PHC1: variants seen among roughly 807,000 people sequenced by gnomAD.
PHC1 encodes the protein polyhomeotic homolog 1.
A neutral mutation model predicts 104.3 loss-of-function variants in PHC1; 12 were observed. The observed-to-expected ratio is 0.12, with a 90% CI of 0.07 to 0.19. PHC1 has a LOEUF of 0.19. PHC1 is among the 10% of genes least tolerant of loss of function. The pLI is 1.00. For synonymous variants in PHC1, 302 were observed against 455.8 expected (o/e 0.66, Z 4.30); for missense variants, 671 against 1,200.0 (o/e 0.56, Z 6.51).
At chr12:8,931,487 G>C in intron 7 of PHC1, among the ~76,000 whole-genome samples, 1 of 152,178 alleles carries the variant, frequency 6.6e-6, no homozygotes, top group Non-Finnish European at 1.5e-5. Context: ...GATCACTTGA[G>C]GTCAGAGTTT....
intron 6 of PHC1, among the ~76,000 whole-genome samples, chr12:8,924,673 A>G (rs1805739): frequency 0.22 from 33,302 of 152,078 alleles, 3,869 homozygotes; most frequent in Admixed American, 0.29. Flanking sequence ...ATATTTAAAT[A>G]CGAGTATGTG....
intron 2 of PHC1, among the ~76,000 whole-genome samples, chr12:8,918,517 G>T (rs1031938468): frequency 4.6e-5 from 7 of 151,202 alleles, no homozygotes; most frequent in Non-Finnish European, 1.0e-4. Context: ...TAGCTCTGTT[G>T]CCCTGGCTGG....
At chr12:8,914,274 G>C (rs1367709019), upstream of PHC1, among the ~76,000 whole-genome samples, 1 of 152,068 alleles carries the variant, frequency 6.6e-6, no homozygotes, top group Admixed American at 6.5e-5. Flanking sequence ...CAACCGGCGA[G>C]CAGAACTCGG....
intron 6 of PHC1, among the ~76,000 whole-genome samples, chr12:8,927,613 G>A (rs1349029401): frequency 6.6e-6 from 1 of 152,200 alleles, no homozygotes; most frequent in African/African-American, 2.4e-5. Flanking sequence ...CTGAAGAGGT[G>A]AAGAGTAGGA....
chr12:8,919,906 C>T lies in PHC1; in HGVS notation c.225+40C>T, dbSNP rs1232534158. On this transcript the variant is annotated intron_variant, in intron 3 of 14. Transcript: ENST00000544916. The surrounding 1 kb of genome is among the most constrained non-coding windows in gnomAD (Gnocchi z 4.9). ...GCCAGCTGGCCCGAGAGGGAGGGGA[C>T]AGGCACTACAGGTGGGTAGGGGAGA... 1 of 1,580,332 alleles carries T rather than the reference C, an allele frequency of 6.3e-7. No homozygotes were observed. Among genetic ancestry groups the T allele is most frequent in the Admixed American group, 1.8e-5 (1 of 54,542 alleles).
At chr12:8,927,316 A>G (rs1945544233) in intron 6 of PHC1, among the ~76,000 whole-genome samples, 1 of 152,164 alleles carries the variant, frequency 6.6e-6, no homozygotes, top group Non-Finnish European at 1.5e-5. Flanking sequence ...AACAGCTATT[A>G]AGAGTTTAGC....
intron 7 of PHC1, 39 bp from the exon 8 acceptor site, chr12:8,932,524 C>T (rs1565520520): frequency 1.3e-6 from 2 of 1,596,488 alleles, no homozygotes; most frequent in South Asian, 2.2e-5. Flanking sequence ...ATTCTCTGCT[C>T]TTTTTTCTCT....
At chr12:8,918,819 G>C (rs147895904) in intron 2 of PHC1, among the ~76,000 whole-genome samples, 1 of 152,182 alleles carries the variant, frequency 6.6e-6, no homozygotes, top group Admixed American at 6.5e-5. Flanking sequence ...CTTAATGACA[G>C]GAACGCGTTT....
At chr12:8,935,401 A>G (rs1407065073) in intron 11 of PHC1, among the ~76,000 whole-genome samples, 163 bp downstream of exon 11, 3 of 152,158 alleles carry the variant, frequency 2.0e-5, no homozygotes, top group African/African-American at 7.2e-5. Context: ...CAAGGCAGGC[A>G]TATCACCTGA....
chr12:8,935,020 C>T (rs1945793945), intron 10 of PHC1, 104 bp from the exon 11 acceptor site: 3 of 621,586 alleles, frequency 4.8e-6, no homozygotes, highest in African/African-American at 3.7e-5. Flanking sequence ...GTCATTAACT[C>T]AGAGATCCAA....
At chr12:8,925,307 A>G (rs1488338528) in intron 6 of PHC1, among the ~76,000 whole-genome samples, 1 of 152,226 alleles carries the variant, frequency 6.6e-6, no homozygotes, top group South Asian at 2.1e-4. Flanking sequence ...AGGAGAAACT[A>G]CTGCTATTAA....
At chr12:8,932,491 A>AAATCATT in intron 7 of PHC1, 72 bp from the exon 8 acceptor site, 1 of 1,510,734 alleles carries the variant, frequency 6.6e-7, no homozygotes, top group Non-Finnish European at 9.1e-7. Flanking sequence ...AAATGAATTT[A>AAATCATT]CTTTTAATTT....
At chr12:8,914,153 T>C (rs1341694081), upstream of PHC1, among the ~76,000 whole-genome samples, 4 of 151,900 alleles carry the variant, frequency 2.6e-5, no homozygotes, top group South Asian at 2.1e-4. Flanking sequence ...CTCCAGAAAA[T>C]ACCTTCTTTC....
In PHC1 at chr12:8,930,917, T is replaced by C. The variant is rs1365337319; in HGVS notation, c.1095T>C (p.Leu365=). 6.2e-7 allele frequency: 1 copy of C among 1,607,072 alleles called. No individual in the cohort carries two copies. Among genetic ancestry groups the C allele is most frequent in the Admixed American group, 1.7e-5 (1 of 59,624 alleles). Residue 365 remains leucine, a synonymous_variant, in exon 7 of 15, where the codon CTT becomes CTC. Coordinates refer to ENST00000544916, the MANE Select transcript of PHC1 (RefSeq NM_004426.3). ...RTATPAPSQT[L]ISSATYTQIQ... is the part of the protein sequence containing the mutation. Reference sequence around the variant, plus strand: ...CCACACCTGCGCCCAGCCAGACACTTATTAGCTCAGGTAAATTGTCATTCC... The same window carrying C: ...CCACACCTGCGCCCAGCCAGACACTCATTAGCTCAGGTAAATTGTCATTCC...
intron 5 of PHC1, among the ~76,000 whole-genome samples, chr12:8,922,084 G>C (rs1945382492): frequency 6.6e-6 from 1 of 152,158 alleles, no homozygotes; most frequent in African/African-American, 2.4e-5. Context: ...AAAGTGCTAG[G>C]ATTACAGGCG....
chr12:8,927,611 G>A (rs897753852), intron 6 of PHC1, among the ~76,000 whole-genome samples: 1 of 152,190 alleles, frequency 6.6e-6, no homozygotes, highest in Non-Finnish European at 1.5e-5. Context: ...CTCTGAAGAG[G>A]TGAAGAGTAG....
At chr12:8,922,315 C>CAAGTAT (rs1341268803) in intron 5 of PHC1, among the ~76,000 whole-genome samples, 1 of 152,200 alleles carries the variant, frequency 6.6e-6, no homozygotes. Flanking sequence ...ACCTGTGGCT[C>CAAGTAT]AAGTATACAA....
At chr12:8,927,653 GGA>G (rs1945554413) in intron 6 of PHC1, among the ~76,000 whole-genome samples, 1 of 152,276 alleles carries the variant, frequency 6.6e-6, no homozygotes, top group East Asian at 1.9e-4. Context: ...TGAGGTATAG[GGA>G]GAGAGTGGGA....
At position 8,936,849 on chromosome 12, in the gene PHC1, T is replaced by G. The variant is rs768404629; in HGVS notation, c.2369-7T>G. 2.5e-5 allele frequency: 40 copies of G among 1,583,716 alleles called. No individual in the cohort carries two copies. The highest frequency in any genetic ancestry group is 8.7e-6 in the Non-Finnish European group (10 of 1,153,400). ...TGGTGACTGTCCAGCAATACCTTGT[T>G]TTTTAGAGTTAGATAAGAAGGCGAA... On this transcript the variant is annotated splice_polypyrimidine_tract_variant and splice_region_variant and intron_variant, in intron 11 of 14. Coordinates refer to ENST00000544916, the MANE Select transcript of PHC1 (RefSeq NM_004426.3).
Sources: gnomAD v4.1 joint callset for allele counts (sites outside exome capture counted in the v4.1 genomes callset) on GRCh38, gnomAD v4.1.1 for gene constraint, Gnocchi (gnomAD v3.1) non-coding constraint, MANE v1.5 for transcripts, NCBI Gene and HGNC (gene_info 2026-07-23, HGNC 2026-07-21) for gene names.